RAB4A: variants seen among roughly 807,000 people sequenced by gnomAD.
RAB4A encodes the protein RAB4A, member RAS oncogene family.
A neutral mutation model predicts 34.5 loss-of-function variants in RAB4A; 20 were observed. The observed-to-expected ratio is 0.58, with a 90% CI of 0.41 to 0.84. The LOEUF (loss-of-function observed/expected upper bound fraction) is 0.84, where lower values mean the gene tolerates loss of function less well. RAB4A is among the 40% of genes least tolerant of loss of function. The pLI is 0.00. For missense variants in RAB4A, 228 were observed against 274.5 expected, an observed-to-expected ratio of 0.83 and a Z score of 1.20; for synonymous variants, 102 against 100.0, an observed-to-expected ratio of 1.02 and a Z score of -0.12.
At position 229,302,288 on chromosome 1, in the gene RAB4A, TATATA is replaced by T. The variant is rs1657416779; in HGVS notation, c.542-573_542-569del. ...ATATATATATATATATATATATATA[TATATA>T]TATATATATATATATATTTTTTTTT... On this transcript the variant is annotated intron_variant, in intron 6 of 7. Coordinates refer to ENST00000366690, the MANE Select transcript of RAB4A (RefSeq NM_004578.4). Among the ~76,000 whole-genome samples the T allele has an allele frequency of 2.7e-3, 64 of 24,118 alleles. 4 individuals are homozygous for T. The highest frequency in any genetic ancestry group is 9.5e-3 in the African/African-American group (56 of 5,874). The allele number at this position is 24,118 out of a possible 152,430, so 15.8% of individuals were successfully genotyped here.
At chr1:229,285,227 C>T (rs2102841976) in intron 1 of RAB4A, among the ~76,000 whole-genome samples, 1 of 152,262 alleles carries the variant, frequency 6.6e-6, no homozygotes, top group South Asian at 2.1e-4. Context: ...CCAGGCTGGT[C>T]TTGAACTCCT....
At chr1:229,271,763 A>G (rs917003761) in intron 1 of RAB4A, among the ~76,000 whole-genome samples, 23 of 152,214 alleles carry the variant, frequency 1.5e-4, no homozygotes, top group Admixed American at 6.5e-5. Context: ...TGAAGGGCTT[A>G]GGGCGACGCC....
intron 7 of RAB4A, 49 bp downstream of exon 7, chr1:229,303,038 A>G: frequency 7.5e-7 from 1 of 1,332,680 alleles, no homozygotes. Flanking sequence ...GCTCAAGTGC[A>G]GAGGCCTGTT....
At chr1:229,284,747 C>T (rs1656879002) in intron 1 of RAB4A, among the ~76,000 whole-genome samples, 1 of 152,060 alleles carries the variant, frequency 6.6e-6, no homozygotes, top group Non-Finnish European at 1.5e-5. Flanking sequence ...TTTATTTGAA[C>T]AATCCTTTAA....
intron 5 of RAB4A, 114 bp downstream of exon 5, chr1:229,297,750 TG>T: frequency 8.4e-7 from 1 of 1,195,816 alleles, no homozygotes; most frequent in Non-Finnish European, 1.1e-6. Context: ...ATTTAGGAAA[TG>T]TGGAATTTCC....
At chr1:229,288,167 ATTTTGGGGTTTTTTGGAGGGTGCTTTG>A (rs1316954814) in intron 2 of RAB4A, among the ~76,000 whole-genome samples, 1 of 151,378 alleles carries the variant, frequency 6.6e-6, no homozygotes, top group Admixed American at 6.6e-5. Flanking sequence ...AGGGTGTTTT[ATTTTGGGGTTTTTTGGAGGGTGCTTTG>A]TTTTGGGGTT....
chr1:229,304,215 T>C lies in RAB4A; in HGVS notation c.*422T>C, dbSNP rs141060361. 129 of 152,286 alleles carry C rather than the reference T, an allele frequency of 8.5e-4. No individual in the cohort carries two copies. Among genetic ancestry groups the C allele is most frequent in the African/African-American group, 3.0e-3 (125 of 41,530 alleles). 9.4% of individuals were successfully genotyped at this position (152,286 alleles called of 1,614,324 possible). On this transcript the variant is annotated 3_prime_UTR_variant, in exon 8 of 8. Transcript: ENST00000366690. ...GTGAGGTGTGCTTTTCTCATCATGT[T>C]GGTTATATTGCACAATTGGTTATAT...
Position 229,299,002 on chromosome 1 carries a change from G to A in RAB4A, c.471G>A (p.Ala157=), listed in dbSNP as rs144029461. 2.0e-4 allele frequency: 318 copies of A among 1,609,540 alleles called. 1 individual carries two copies. Among genetic ancestry groups the A allele is most frequent in the East Asian group, 8.7e-4 (39 of 44,816 alleles). Residue 157 remains alanine (A), a synonymous_variant, in exon 6 of 8, where the codon GCG becomes GCA. Transcript: ENST00000366690. ...AGCTGATGTTTTTGGAAACAAGTGC[G>A]CTCACAGGGGAGAATGTAGAAGAGG... The part of the protein sequence containing the change: ...ENELMFLETS[A]LTGENVEEAF...
intron 1 of RAB4A, 42 bp downstream of exon 1, chr1:229,271,412 G>A (rs1656469754): frequency 8.3e-7 from 1 of 1,204,564 alleles, no homozygotes; most frequent in South Asian, 4.0e-5. Context: ...TCGGGCCGCG[G>A]GGGGCGTCGG....
intron 4 of RAB4A, among the ~76,000 whole-genome samples, chr1:229,296,815 G>C (rs533463947): frequency 2.6e-5 from 4 of 152,344 alleles, no homozygotes; most frequent in Admixed American, 2.6e-4. Context: ...GCAGTGAAAG[G>C]CTCAGCCTGC....
intron 3 of RAB4A, chr1:229,289,103 G>A: frequency 2.5e-6 from 1 of 401,816 alleles, no homozygotes; most frequent in Non-Finnish European, 4.5e-6. Context: ...TTCTCAGGAG[G>A]ATGTGGCACT....
At chr1:229,289,053 G>C in intron 3 of RAB4A, 2 of 501,900 alleles carry the variant, frequency 4.0e-6, no homozygotes, top group Middle Eastern at 1.1e-3. Flanking sequence ...AATACAGGAG[G>C]ATCTCCGCGC....
chr1:229,286,437 T>G (rs1247024317), intron 1 of RAB4A, 49 bp from the exon 2 acceptor site: 1 of 1,155,052 alleles, frequency 8.7e-7, no homozygotes, highest in Admixed American at 2.5e-5. Flanking sequence ...AAGAAGAAAT[T>G]CACAGCACTA....
intron 1 of RAB4A, among the ~76,000 whole-genome samples, chr1:229,284,094 G>GTTTTTTTTTTTTTTTTTTTTTTTTTT (rs773213321): frequency 2.2e-5 from 1 of 45,904 alleles, no homozygotes; most frequent in Non-Finnish European, 3.8e-5. Context: ...GTGTTGTTTG[G>GTTTTTTTTTTTTTTTTTTTTTTTTTT]TTTTTTTTTT....
intron 1 of RAB4A, among the ~76,000 whole-genome samples, chr1:229,273,246 G>A (rs1169229900): frequency 1.3e-5 from 2 of 152,152 alleles, no homozygotes; most frequent in African/African-American, 4.8e-5. Flanking sequence ...ATAAAATAGA[G>A]CTTATCTTTG....
intron 1 of RAB4A, 135 bp from the exon 2 acceptor site, chr1:229,286,351 A>C: frequency 1.7e-6 from 1 of 596,174 alleles, no homozygotes; most frequent in South Asian, 2.1e-5. Context: ...ATGTATTGTC[A>C]TTTCACAAGA....
At chr1:229,293,893 G>A (rs1052694988) in intron 3 of RAB4A, among the ~76,000 whole-genome samples, 4 of 152,182 alleles carry the variant, frequency 2.6e-5, no homozygotes, top group African/African-American at 9.6e-5. Context: ...TGGGGCCAAA[G>A]GGACAGGTAC....
chr1:229,276,364 G>T (rs1207786788), intron 1 of RAB4A, among the ~76,000 whole-genome samples: 1 of 151,122 alleles, frequency 6.6e-6, no homozygotes, highest in Non-Finnish European at 1.5e-5. Context: ...ATGGTTTTTT[G>T]AAAAAACAAA....
At chr1:229,300,281 G>A (rs1449703634) in intron 6 of RAB4A, among the ~76,000 whole-genome samples, 3 of 152,196 alleles carry the variant, frequency 2.0e-5, no homozygotes, top group African/African-American at 7.2e-5. Context: ...GATGTGATTG[G>A]GTTGTGACTT....
Sources: allele counts gnomAD v4.1 joint callset (sites outside exome capture counted in the v4.1 genomes callset), GRCh38; gene constraint gnomAD v4.1.1; transcripts MANE v1.5; gene names NCBI Gene and HGNC (gene_info 2026-07-23, HGNC 2026-07-21).